Variants in TEK observed in about 807,000 individuals in gnomAD.
TEK encodes the protein angiopoietin-1 receptor.
A neutral mutation model predicts 131.8 loss-of-function variants in TEK; 43 were observed. The ratio of observed to expected loss-of-function variants is 0.33; its 90% confidence interval spans 0.26 to 0.42. The LOEUF (loss-of-function observed/expected upper bound fraction) is 0.42. TEK is among the 10% of genes least tolerant of loss of function. The pLI is 1.00. For missense variants in TEK, 1,162 were observed against 1,384.4 expected, an observed-to-expected ratio of 0.84 and a Z score of 2.55; for synonymous variants, 580 against 491.6, an observed-to-expected ratio of 1.18 and a Z score of -2.38.
intron 1 of TEK, among the ~76,000 whole-genome samples, chr9:27,154,637 A>G (rs1422146353): frequency 2.6e-5 from 4 of 152,212 alleles, no homozygotes; most frequent in Non-Finnish European, 5.9e-5. Flanking sequence ...TCATTTTAAG[A>G]AAACTAAGCA....
At chr9:27,130,498 C>T (rs57735430) in intron 1 of TEK, among the ~76,000 whole-genome samples, 22,011 of 151,670 alleles carry the variant, frequency 0.15, 2,495 homozygotes, top group African/African-American at 0.31. Flanking sequence ...ATAGAAGAAA[C>T]CACAAAACTA....
chr9:27,173,262 G>A lies in TEK; in HGVS notation c.801G>A (p.Arg267=), dbSNP rs1437416005. ...CGTTTGGCAGAACTTGTAAAGAAAG[G>A]TGCAGTGGACAAGAGGGATGCAAGT... ...LHTFGRTCKE[R]CSGQEGCKSY... Residue 267 remains arginine (R), a synonymous_variant, in exon 6 of 23, where the codon AGG becomes AGA. Coordinates refer to ENST00000380036, the MANE Select transcript of TEK (RefSeq NM_000459.5). The A allele has an allele frequency of 1.2e-6, 2 of 1,614,056 alleles. No individual in the cohort carries two copies. Among genetic ancestry groups the A allele is most frequent in the South Asian group, 2.2e-5 (2 of 91,070 alleles).
At chr9:27,184,489 T>C (rs1178736813) in intron 8 of TEK, among the ~76,000 whole-genome samples, 1 of 152,168 alleles carries the variant, frequency 6.6e-6, no homozygotes, top group African/African-American at 2.4e-5. Flanking sequence ...GAGGAATATG[T>C]AGAATGTACC....
At chr9:27,119,129 A>G (rs1056049634) in intron 1 of TEK, among the ~76,000 whole-genome samples, 5 of 152,134 alleles carry the variant, frequency 3.3e-5, no homozygotes, top group Non-Finnish European at 5.9e-5. Context: ...AATCATCCTG[A>G]CTGACCACAT....
chr9:27,216,431 T>G (rs1825823277), intron 18 of TEK, among the ~76,000 whole-genome samples: 1 of 151,548 alleles, frequency 6.6e-6, no homozygotes. Flanking sequence ...AGGTGTGAGG[T>G]TGGAAGCCAG....
chr9:27,226,462 T>G (rs1360404320), intron 21 of TEK, among the ~76,000 whole-genome samples: 8 of 151,158 alleles, frequency 5.3e-5, no homozygotes, highest in African/African-American at 1.9e-4. Context: ...ACCAACATTC[T>G]CAGGAAACTA....
chr9:27,211,455 GAGATAGATA>G (rs1226024412), intron 16 of TEK, among the ~76,000 whole-genome samples: 1 of 74,118 alleles, frequency 1.3e-5, no homozygotes, highest in African/African-American at 5.8e-5. Flanking sequence ...TTTTTTTTTT[GAGATAGATA>G]GATAGATAGA....
At chr9:27,157,721 T>C in intron 1 of TEK, 110 bp from the exon 2 acceptor site, 1 of 1,309,190 alleles carries the variant, frequency 7.6e-7, no homozygotes, top group African/African-American at 1.4e-5. Flanking sequence ...AATAGCATTT[T>C]AGAAAGAATC....
At chr9:27,114,412 A>C (rs1821466049) in intron 1 of TEK, among the ~76,000 whole-genome samples, 1 of 152,158 alleles carries the variant, frequency 6.6e-6, no homozygotes, top group Non-Finnish European at 1.5e-5. Flanking sequence ...CTCTACTAAA[A>C]ATACAAAAGT....
At chr9:27,147,124 A>G (rs915036592) in intron 1 of TEK, among the ~76,000 whole-genome samples, 1 of 152,188 alleles carries the variant, frequency 6.6e-6, no homozygotes, top group Non-Finnish European at 1.5e-5. Context: ...TTAACTTTAT[A>G]AGAAATTGTT....
At chr9:27,113,130 A>G (rs1821409729) in intron 1 of TEK, among the ~76,000 whole-genome samples, 1 of 152,240 alleles carries the variant, frequency 6.6e-6, no homozygotes, top group Non-Finnish European at 1.5e-5. Flanking sequence ...GGAAACATGG[A>G]TTACAAAGTC....
At chr9:27,184,258 G>C (rs1054625520) in intron 8 of TEK, among the ~76,000 whole-genome samples, 2 of 152,114 alleles carry the variant, frequency 1.3e-5, no homozygotes, top group African/African-American at 4.8e-5. Context: ...TTGTTTAAAA[G>C]GATCAAGCTA....
chr9:27,109,749 T>A lies in TEK; in HGVS notation c.52+107T>A, dbSNP rs532088738. The A allele has an allele frequency of 1.8e-4, 197 of 1,105,784 alleles. 1 individual carries two copies. Among genetic ancestry groups the A allele is most frequent in the Non-Finnish European group, 1.1e-4 (84 of 740,000 alleles). 68.5% of individuals were successfully genotyped at this position (1,105,784 alleles called of 1,614,324 possible). ...TCAGTGCTGATGAACAAGGGGTGGCTGTAGCAAAGGCACCATTTCTCTGTG... is the reference window on the plus strand; with the variant it reads ...TCAGTGCTGATGAACAAGGGGTGGCAGTAGCAAAGGCACCATTTCTCTGTG... On this transcript the variant is annotated intron_variant, in intron 1 of 22. Transcript: ENST00000380036.
At chr9:27,129,353 C>T (rs569236180) in intron 1 of TEK, among the ~76,000 whole-genome samples, 29 of 152,290 alleles carry the variant, frequency 1.9e-4, no homozygotes, top group Non-Finnish European at 3.4e-4. Flanking sequence ...AATACATGCA[C>T]AAGTAGATAT....
At chr9:27,139,766 T>A (rs1329240242) in intron 1 of TEK, among the ~76,000 whole-genome samples, 2 of 152,132 alleles carry the variant, frequency 1.3e-5, no homozygotes, top group South Asian at 4.1e-4. Flanking sequence ...TTGTTGGGCT[T>A]CAGTGAGTTG....
intron 10 of TEK, 137 bp downstream of exon 10, chr9:27,190,827 A>G: frequency 7.8e-7 from 1 of 1,278,280 alleles, no homozygotes; most frequent in Non-Finnish European, 1.1e-6. Flanking sequence ...ATTCTGTTTC[A>G]GAGTATTCAA....
chr9:27,137,854 T>G (rs66704846), intron 1 of TEK, among the ~76,000 whole-genome samples: 78,387 of 151,766 alleles, frequency 0.52, 21,204 homozygotes, highest in African/African-American at 0.56. Flanking sequence ...TGTCCGGAAT[T>G]TATTCATTCC....
At chr9:27,151,708 G>A (rs7035021) in intron 1 of TEK, among the ~76,000 whole-genome samples, 42,628 of 152,034 alleles carry the variant, frequency 0.28, 6,182 homozygotes, top group South Asian at 0.5. Context: ...TTGCCTATAA[G>A]CTACGAGACG....
chr9:27,177,885 T>G (rs935120043), intron 6 of TEK, among the ~76,000 whole-genome samples: 1 of 152,256 alleles, frequency 6.6e-6, no homozygotes, highest in African/African-American at 2.4e-5. Flanking sequence ...GTGTATACTT[T>G]GGAAATACAT....
Sources: gnomAD v4.1 joint callset for allele counts (sites outside exome capture counted in the v4.1 genomes callset) on GRCh38, gnomAD v4.1.1 for gene constraint, MANE v1.5 for transcripts, NCBI Gene and HGNC (gene_info 2026-07-23, HGNC 2026-07-21) for gene names.